Variants in RAB8A observed in about 807,000 individuals in gnomAD.
The protein encoded by RAB8A is ras-related protein Rab-8A.
Under a neutral mutation model 29.2 loss-of-function variants are expected in RAB8A, and 5 were observed. The observed-to-expected ratio is 0.17, with a 90% CI of 0.09 to 0.36. The LOEUF (loss-of-function observed/expected upper bound fraction) is 0.36. Among genes scored for constraint, RAB8A ranks in the 10% least tolerant of loss-of-function variants. RAB8A has a pLI of 1.00. For synonymous variants in RAB8A, 108 were observed against 99.9 expected (o/e 1.08, Z -0.49); for missense variants, 171 against 272.2 (o/e 0.63, Z 2.62).
rs1050509062 is a variant in RAB8A, at chr19:16,122,588, C to A, written c.246+778C>A. Among the ~76,000 whole-genome samples, 1 of 152,196 alleles carries A rather than the reference C, an allele frequency of 6.6e-6. No individual in the cohort carries two copies. The highest frequency in any genetic ancestry group is 1.5e-5 in the Non-Finnish European group (1 of 68,034). ...CTCCCCACTCTTTCCTCCGCATACCCCATCATTTAATTGCTCAGGCAGCTG... is the reference window on the plus strand; with the variant it reads ...CTCCCCACTCTTTCCTCCGCATACCACATCATTTAATTGCTCAGGCAGCTG... On this transcript the variant is annotated intron_variant, in intron 3 of 7. Coordinates refer to ENST00000300935, the MANE Select transcript of RAB8A (RefSeq NM_005370.5). The surrounding 1 kb of genome is among the most constrained non-coding windows in gnomAD (Gnocchi z 4.7).
In RAB8A at chr19:16,125,607, G is replaced by C. The variant is rs536687916; in HGVS notation, c.324+60G>C. 11 of 1,511,308 alleles carry C rather than the reference G, an allele frequency of 7.3e-6. No homozygotes were observed. The highest frequency in any genetic ancestry group is 3.6e-5 in the Admixed American group (2 of 56,300). 93.6% of individuals were successfully genotyped at this position (1,511,308 alleles called of 1,614,324 possible). Reference sequence around the variant, plus strand: ...TCAGTCCTTGTCCCAGAGCCCTCTGGTTTACTCATGAGAAGGCCAAGGTGC... The same window carrying C: ...TCAGTCCTTGTCCCAGAGCCCTCTGCTTTACTCATGAGAAGGCCAAGGTGC... On this transcript the variant is annotated intron_variant, in intron 4 of 7. Coordinates refer to ENST00000300935, the MANE Select transcript of RAB8A (RefSeq NM_005370.5). This position sits in a 1 kb window ranked among gnomAD's most constrained non-coding sequence, Gnocchi z 5.0.
intron 6 of RAB8A, 96 bp from the exon 7 acceptor site, chr19:16,129,449 GGAGGCCCAC>G: frequency 9.0e-7 from 1 of 1,114,986 alleles, no homozygotes; most frequent in Non-Finnish European, 1.4e-6. Flanking sequence ...GGGCCAAATG[GGAGGCCCAC>G]GCCTGGGAAG....
intron 7 of RAB8A, among the ~76,000 whole-genome samples, chr19:16,131,925 G>A (rs997193097): frequency 6.6e-6 from 1 of 151,040 alleles, no homozygotes; most frequent in African/African-American, 2.4e-5. Flanking sequence ...CAGCTGGACG[G>A]ACTGGCAGAT....
Position 16,111,918 on chromosome 19 carries a change from A to G in RAB8A, c.17A>G (p.Asp6Gly). The G allele has an allele frequency of 6.2e-7, 1 of 1,613,890 alleles. No individual in the cohort carries two copies. Among genetic ancestry groups the G allele is most frequent in the Non-Finnish European group, 8.5e-7 (1 of 1,179,848 alleles). Residue 6 changes from aspartate to glycine, a missense_variant, in exon 1 of 8, where the codon GAT becomes GGT. This residue lies in a region of RAB8A where 26 missense variants were observed against 42.9 expected (regional missense o/e 0.61). Coordinates refer to ENST00000300935, the MANE Select transcript of RAB8A (RefSeq NM_005370.5). MAKTY[D>G]YLFKLLLIGD... ...GAGTGTAATATGGCGAAGACCTACG[A>G]TTACCTGTTCAAGCTGCTGCTGATC... is the stretch of plus-strand genomic sequence containing the variant.
At chr19:16,130,165 T>TTA (rs2090919154) in intron 7 of RAB8A, among the ~76,000 whole-genome samples, 1 of 150,502 alleles carries the variant, frequency 6.6e-6, no homozygotes, top group Non-Finnish European at 1.5e-5. Flanking sequence ...TTTTTTTTTT[T>TTA]ACCACGTTAG....
At chr19:16,118,340 G>A in intron 2 of RAB8A, 54 bp downstream of exon 2, 1 of 1,536,320 alleles carries the variant, frequency 6.5e-7, no homozygotes, top group Non-Finnish European at 9.0e-7. Flanking sequence ...CTTCAAGCCA[G>A]AAGCCCTTGG....
chr19:16,130,306 A>G (rs1019593696), intron 7 of RAB8A, among the ~76,000 whole-genome samples: 1 of 152,040 alleles, frequency 6.6e-6, no homozygotes, highest in Non-Finnish European at 1.5e-5. Context: ...GGTTCCAGCA[A>G]CTGCCCTTTC....
chr19:16,112,099 G>A, intron 1 of RAB8A, 74 bp downstream of exon 1: 1 of 1,578,684 alleles, frequency 6.3e-7, no homozygotes. Flanking sequence ...TGGGGCTGAG[G>A]GATCTACAGG....
rs1470271434 is a variant in RAB8A at position 16,125,499 on chromosome 19, C to T, written c.276C>T (p.Asn92=). The T allele has an allele frequency of 3.1e-6, 5 of 1,614,160 alleles. No homozygotes were observed. Among genetic ancestry groups the T allele is most frequent in the South Asian group, 2.2e-5 (2 of 91,070 alleles). ...TCATGCTGGTCTACGACATCACCAACGAGAAGTCCTTCGACAACATCCGGA... is the reference window on the plus strand; with the variant it reads ...TCATGCTGGTCTACGACATCACCAATGAGAAGTCCTTCGACAACATCCGGA... ...MGIMLVYDIT[N]EKSFDNIRNW... Residue 92 remains asparagine, a synonymous_variant, in exon 4 of 8, where the codon AAC becomes AAT. Coordinates refer to ENST00000300935, the MANE Select transcript of RAB8A (RefSeq NM_005370.5). The surrounding 1 kb of genome is among the most constrained non-coding windows in gnomAD (Gnocchi z 5.0).
intron 7 of RAB8A, among the ~76,000 whole-genome samples, chr19:16,131,250 A>G (rs368602298): frequency 6.6e-6 from 1 of 152,192 alleles, no homozygotes; most frequent in Non-Finnish European, 1.5e-5. Context: ...GTGGGCAGAT[A>G]AGTGAGAGAG....
At chr19:16,120,024 G>A (rs1044265708) in intron 2 of RAB8A, among the ~76,000 whole-genome samples, 1 of 152,136 alleles carries the variant, frequency 6.6e-6, no homozygotes, top group African/African-American at 2.4e-5. Context: ...TGTTGGCCAG[G>A]TTGGCTTCGA....
At chr19:16,123,956 G>C (rs1369473811) in intron 3 of RAB8A, 1 of 152,042 alleles carries the variant, frequency 6.6e-6, no homozygotes, top group Non-Finnish European at 1.5e-5. Context: ...TTCTAAGAGA[G>C]AGCTCTACCC....
intron 2 of RAB8A, among the ~76,000 whole-genome samples, chr19:16,119,202 C>CT (rs891177822): frequency 2.0e-5 from 3 of 151,648 alleles, no homozygotes; most frequent in East Asian, 3.9e-4. Context: ...TTCACCTCTT[C>CT]TTTTTTTTTC....
Position 16,122,739 on chromosome 19 carries a change from T to A in RAB8A, c.246+929T>A, listed in dbSNP as rs538900750. Among the ~76,000 whole-genome samples, 81 of 152,092 alleles carry A rather than the reference T, an allele frequency of 5.3e-4. No individual in the cohort carries two copies. The highest frequency in any genetic ancestry group is 1.9e-3 in the African/African-American group (79 of 41,480). On this transcript the variant is annotated intron_variant, in intron 3 of 7. Coordinates refer to ENST00000300935, the MANE Select transcript of RAB8A (RefSeq NM_005370.5). The surrounding 1 kb of genome is among the most constrained non-coding windows in gnomAD (Gnocchi z 4.7). Reference sequence around the variant, plus strand: ...TGGAGGGTGGAGATGGAAGGAGGCATTATGTGTTTAGAGCATCCCACACGG... The same window carrying A: ...TGGAGGGTGGAGATGGAAGGAGGCAATATGTGTTTAGAGCATCCCACACGG...
chr19:16,118,840 G>A (rs1316267660), intron 2 of RAB8A, among the ~76,000 whole-genome samples: 1 of 152,208 alleles, frequency 6.6e-6, no homozygotes, highest in Non-Finnish European at 1.5e-5. Context: ...TGAGAACTAA[G>A]GGTGACTTCC....
intron 2 of RAB8A, among the ~76,000 whole-genome samples, chr19:16,119,937 CCAAGT>C (rs1418163859): frequency 1.3e-5 from 2 of 152,018 alleles, no homozygotes; most frequent in African/African-American, 4.8e-5. Flanking sequence ...CCTCGGCCTC[CCAAGT>C]AGCTGGGATT....
chr19:16,119,031 C>T (rs1218003684), intron 2 of RAB8A, among the ~76,000 whole-genome samples: 1 of 152,140 alleles, frequency 6.6e-6, no homozygotes, highest in Non-Finnish European at 1.5e-5. Flanking sequence ...GAGCATGGTG[C>T]AATTTCCCTG....
rs1465743387 is a variant in RAB8A, at chr19:16,125,601, C to G, written c.324+54C>G. ...CCTGCTTCAGTCCTTGTCCCAGAGCCCTCTGGTTTACTCATGAGAAGGCCA... is the reference window on the plus strand; with the variant it reads ...CCTGCTTCAGTCCTTGTCCCAGAGCGCTCTGGTTTACTCATGAGAAGGCCA... On this transcript the variant is annotated intron_variant, in intron 4 of 7. Transcript: ENST00000300935. The surrounding 1 kb of genome is among the most constrained non-coding windows in gnomAD (Gnocchi z 5.0). 4 of 1,530,034 alleles carry G rather than the reference C, an allele frequency of 2.6e-6. No homozygotes were observed. 94.8% of individuals were successfully genotyped at this position (1,530,034 alleles called of 1,614,324 possible). A position where few individuals can be genotyped will look rare whatever the true frequency, so the allele number is the denominator to read the frequency against.
Position 16,112,015 on chromosome 19 carries a change from C to T in RAB8A, c.114C>T (p.Ile38=). 3 of 1,614,004 alleles carry T rather than the reference C, an allele frequency of 1.9e-6. No individual in the cohort carries two copies. The highest frequency in any genetic ancestry group is 1.7e-6 in the Non-Finnish European group (2 of 1,179,862). The change falls in exon 1 of 8, where the codon ATC becomes ATT. Residue 38 remains isoleucine (I), a synonymous_variant. Coordinates refer to ENST00000300935, the MANE Select transcript of RAB8A (RefSeq NM_005370.5). The part of the protein sequence containing the change: ...FSEDAFNSTF[I]STIGIDFKIR... Reference sequence around the variant, plus strand: ...AGGACGCCTTCAACTCCACTTTTATCTCCACCATAGGTAACGGGACCGGGG... The same window carrying T: ...AGGACGCCTTCAACTCCACTTTTATTTCCACCATAGGTAACGGGACCGGGG...
Sources: allele counts gnomAD v4.1 joint callset (sites outside exome capture counted in the v4.1 genomes callset), GRCh38; gene constraint gnomAD v4.1.1; regional missense constraint gnomAD v4.1.1; non-coding constraint Gnocchi (gnomAD v3.1); transcripts MANE v1.5; gene names NCBI Gene and HGNC (gene_info 2026-07-23, HGNC 2026-07-21).